ALK: variants seen among roughly 807,000 people sequenced by gnomAD.
ALK encodes the protein ALK tyrosine kinase receptor.
In ALK, 74 loss-of-function variants were observed where a neutral mutation model predicts 163.1. The ratio of observed to expected loss-of-function variants is 0.45; its 90% confidence interval spans 0.38 to 0.55. ALK has a LOEUF of 0.55. Among genes scored for constraint, ALK ranks in the 20% least tolerant of loss-of-function variants. ALK has a pLI of 0.00. For missense variants in ALK, 2,063 were observed against 2,105.3 expected (o/e 0.98, Z 0.39); for synonymous variants, 960 against 843.2 (o/e 1.14, Z -2.40).
intron 1 of ALK, among the ~76,000 whole-genome samples, chr2:29,859,573 A>T (rs575765019): frequency 2.0e-5 from 3 of 152,186 alleles, no homozygotes; most frequent in Admixed American, 6.5e-5. Context: ...CGCAGGTGGA[A>T]GAAGAAAACC....
chr2:29,625,144 A>G (rs933690882), intron 3 of ALK, among the ~76,000 whole-genome samples: 2 of 152,162 alleles, frequency 1.3e-5, no homozygotes, highest in African/African-American at 4.8e-5. Context: ...GTAGCTATCC[A>G]TTATGTTCTA....
chr2:29,764,698 T>C (rs1283706850), intron 1 of ALK, among the ~76,000 whole-genome samples: 2 of 152,224 alleles, frequency 1.3e-5, no homozygotes, highest in East Asian at 1.9e-4. Flanking sequence ...TTTTGGTTTA[T>C]GTCATCAGCT....
At chr2:29,515,952 A>G (rs544474414) in intron 4 of ALK, among the ~76,000 whole-genome samples, 5 of 152,184 alleles carry the variant, frequency 3.3e-5, no homozygotes, top group Non-Finnish European at 7.3e-5. Context: ...GATTTTGGAA[A>G]TCCTATTTAC....
intron 1 of ALK, among the ~76,000 whole-genome samples, chr2:29,783,012 T>C (rs11884881): frequency 2.7e-4 from 41 of 152,318 alleles, no homozygotes; most frequent in African/African-American, 8.9e-4. Context: ...CCTGCGATGG[T>C]AGCAGTGTTG....
chr2:29,632,495 G>A (rs1558417386), intron 3 of ALK, among the ~76,000 whole-genome samples: 1 of 152,166 alleles, frequency 6.6e-6, no homozygotes, highest in Non-Finnish European at 1.5e-5. Context: ...GGTTGTAAAA[G>A]GTAATTATGG....
intron 4 of ALK, among the ~76,000 whole-genome samples, chr2:29,526,628 G>A (rs1238759570): frequency 6.6e-6 from 1 of 152,200 alleles, no homozygotes; most frequent in African/African-American, 2.4e-5. Context: ...TTGTGACACT[G>A]CCACTTGAGG....
At chr2:29,390,729 T>C (rs933641426) in intron 4 of ALK, among the ~76,000 whole-genome samples, 3 of 152,240 alleles carry the variant, frequency 2.0e-5, no homozygotes, top group African/African-American at 7.2e-5. Context: ...TTCCATTAAA[T>C]CAGCCTGCAT....
chr2:29,230,548 G>A (rs1435033306), intron 15 of ALK, among the ~76,000 whole-genome samples: 1 of 152,142 alleles, frequency 6.6e-6, no homozygotes, highest in Non-Finnish European at 1.5e-5. Flanking sequence ...GGACCCAGAG[G>A]GACCTGTAGG....
chr2:29,395,609 C>T (rs923359752), intron 4 of ALK, among the ~76,000 whole-genome samples: 5 of 152,220 alleles, frequency 3.3e-5, no homozygotes, highest in African/African-American at 1.2e-4. Flanking sequence ...CCCTTTCTCC[C>T]CCAAGGCAAG....
chr2:29,229,131 G>A lies in ALK; in HGVS notation c.2633-65C>T, dbSNP rs560881430. On this transcript the variant is annotated intron_variant, in intron 15 of 28. Coordinates refer to ENST00000389048, the MANE Select transcript of ALK (RefSeq NM_004304.5). ...AAGGTTCAATTAGCCATGCTGGCCA[G>A]AGAAGCAGGATGCAGGACGCCTTGG... 3.4e-5 allele frequency: 52 copies of A among 1,519,864 alleles called. 1 individual carries two copies. In the South Asian group the frequency reaches 5.4e-4, roughly 16 times the overall value. The allele number at this position is 1,519,864 out of a possible 1,614,324, so 94.1% of individuals were successfully genotyped here.
chr2:29,815,684 T>G (rs771077153), intron 1 of ALK, among the ~76,000 whole-genome samples: 2 of 152,310 alleles, frequency 1.3e-5, no homozygotes, highest in Non-Finnish European at 2.9e-5. Flanking sequence ...AGTAAGAATG[T>G]AATGAAAGAT....
intron 5 of ALK, among the ~76,000 whole-genome samples, chr2:29,382,169 T>C (rs1016850670): frequency 6.6e-6 from 1 of 152,188 alleles, no homozygotes; most frequent in African/African-American, 2.4e-5. Context: ...GGAAGACTCA[T>C]CTTCTCCCTC....
intron 1 of ALK, among the ~76,000 whole-genome samples, chr2:29,763,386 C>T (rs967747014): frequency 3.3e-5 from 5 of 152,122 alleles, no homozygotes; most frequent in African/African-American, 1.2e-4. Context: ...AGCTTTTTAC[C>T]AGATATGTGA....
chr2:29,332,940 CTT>C (rs1667488208), intron 5 of ALK, among the ~76,000 whole-genome samples: 1 of 152,192 alleles, frequency 6.6e-6, no homozygotes, highest in Non-Finnish European at 1.5e-5. Flanking sequence ...TGCCAAATTG[CTT>C]TCTAGAAGTT....
At chr2:29,725,358 C>T (rs1362327090) in intron 1 of ALK, among the ~76,000 whole-genome samples, 1 of 152,060 alleles carries the variant, frequency 6.6e-6, no homozygotes, top group Non-Finnish European at 1.5e-5. Context: ...CATCCTTCTC[C>T]ACCCCCTGCT....
At position 29,193,940 on chromosome 2, in the gene ALK, A is replaced by T; in HGVS notation, c.4165-18T>A. ...TCCGGGTCCTGCCGTAGGGGAAATT[A>T]TTAAAACTTTGAATCAGAGACAAAA... On this transcript the variant is annotated intron_variant, in intron 28 of 28. Coordinates refer to ENST00000389048, the MANE Select transcript of ALK (RefSeq NM_004304.5). The T allele has an allele frequency of 6.2e-7, 1 of 1,612,840 alleles. No homozygotes were observed. Among genetic ancestry groups the T allele is most frequent in the Non-Finnish European group, 8.5e-7 (1 of 1,178,860 alleles).
intron 5 of ALK, among the ~76,000 whole-genome samples, chr2:29,367,959 A>G (rs1380337984): frequency 6.6e-6 from 1 of 152,176 alleles, no homozygotes; most frequent in Non-Finnish European, 1.5e-5. Context: ...CTTTGTGTTT[A>G]TAGTTTCCCG....
At chr2:29,695,668 A>G (rs541870401) in intron 2 of ALK, among the ~76,000 whole-genome samples, 1 of 152,004 alleles carries the variant, frequency 6.6e-6, no homozygotes, top group South Asian at 2.1e-4. Context: ...AATTTACCAG[A>G]AAAAAAACAA....
intron 1 of ALK, among the ~76,000 whole-genome samples, chr2:29,811,820 T>G (rs773521799): frequency 2.6e-5 from 4 of 152,222 alleles, no homozygotes; most frequent in Non-Finnish European, 5.9e-5. Flanking sequence ...GCATAAATGA[T>G]GTCCAGAGTA....
Sources: gnomAD v4.1 joint callset for allele counts (sites outside exome capture counted in the v4.1 genomes callset) on GRCh38, gnomAD v4.1.1 for gene constraint, MANE v1.5 for transcripts, NCBI Gene and HGNC (gene_info 2026-07-23, HGNC 2026-07-21) for gene names.